NPAS3: variants seen among roughly 807,000 people sequenced by gnomAD.
NPAS3 encodes neuronal PAS domain protein 3, also known as neuronal PAS domain-containing protein 3.
A neutral mutation model predicts 73.1 loss-of-function variants in NPAS3; 14 were observed. The observed-to-expected ratio is 0.19, with a 90% CI of 0.13 to 0.30. The LOEUF (loss-of-function observed/expected upper bound fraction) is 0.30, where lower values mean the gene tolerates loss of function less well. Ranked by LOEUF, NPAS3 falls within the 10% of genes least tolerant of loss-of-function variation. The pLI, the probability that NPAS3 is intolerant of heterozygous loss-of-function variation, is 1.00. For synonymous variants in NPAS3, 620 were observed against 541.5 expected, an observed-to-expected ratio of 1.14 and a Z score of -2.01; for missense variants, 1,096 against 1,250.0, an observed-to-expected ratio of 0.88 and a Z score of 1.86.
intron 5 of NPAS3, among the ~76,000 whole-genome samples, chr14:33,605,954 A>G (rs754872683): frequency 1.3e-5 from 2 of 152,184 alleles, no homozygotes; most frequent in Non-Finnish European, 2.9e-5. Flanking sequence ...GACTGACACT[A>G]TCTAATTTCA....
At chr14:33,468,054 G>GC (rs1249216794) in intron 4 of NPAS3, among the ~76,000 whole-genome samples, 2 of 152,110 alleles carry the variant, frequency 1.3e-5, no homozygotes, top group African/African-American at 2.4e-5. Context: ...GGGTCATCAT[G>GC]CCCCCCAAGA....
At chr14:33,732,834 G>T (rs1325013866) in intron 6 of NPAS3, among the ~76,000 whole-genome samples, 1 of 150,734 alleles carries the variant, frequency 6.6e-6, no homozygotes, top group Non-Finnish European at 1.5e-5. Context: ...CCTCATTCAG[G>T]GCACGATGCC....
At chr14:33,211,930 A>G (rs182663261) in intron 2 of NPAS3, among the ~76,000 whole-genome samples, 1 of 152,218 alleles carries the variant, frequency 6.6e-6, no homozygotes, top group Admixed American at 6.5e-5. Context: ...CTGAAGTTTA[A>G]TCGTATTTTA....
chr14:33,172,455 G>A (rs1325913755), intron 2 of NPAS3, among the ~76,000 whole-genome samples: 1 of 152,144 alleles, frequency 6.6e-6, no homozygotes, highest in Non-Finnish European at 1.5e-5. Context: ...TTAAAAATTG[G>A]CCAGACCCGG....
intron 2 of NPAS3, among the ~76,000 whole-genome samples, chr14:33,190,485 C>T (rs2046131142): frequency 6.6e-6 from 1 of 152,182 alleles, no homozygotes; most frequent in African/African-American, 2.4e-5. Flanking sequence ...ATTTAAAAAT[C>T]AATTTCACAA....
chr14:33,273,667 T>C (rs1311876926), intron 3 of NPAS3, among the ~76,000 whole-genome samples: 4 of 152,182 alleles, frequency 2.6e-5, no homozygotes, highest in Non-Finnish European at 4.4e-5. Context: ...TATAGTGCTA[T>C]AGGGCTTGTA....
intron 4 of NPAS3, among the ~76,000 whole-genome samples, chr14:33,461,019 G>A (rs757914729): frequency 6.6e-6 from 1 of 152,120 alleles, no homozygotes; most frequent in Non-Finnish European, 1.5e-5. Context: ...CCATATCAAC[G>A]ATTCTACAAG....
intron 3 of NPAS3, among the ~76,000 whole-genome samples, chr14:33,278,832 A>G (rs1437096822): frequency 6.6e-6 from 1 of 152,232 alleles, no homozygotes; most frequent in Non-Finnish European, 1.5e-5. Flanking sequence ...AAAAATGTTA[A>G]GAAGCTCTAC....
intron 2 of NPAS3, among the ~76,000 whole-genome samples, chr14:33,059,417 A>G (rs1045147911): frequency 2.0e-5 from 3 of 152,206 alleles, no homozygotes; most frequent in African/African-American, 7.2e-5. Flanking sequence ...AATGCTTATT[A>G]TACTTTCAAT....
intron 4 of NPAS3, among the ~76,000 whole-genome samples, chr14:33,487,077 A>C (rs2051643096): frequency 6.6e-6 from 1 of 152,208 alleles, no homozygotes; most frequent in Non-Finnish European, 1.5e-5. Flanking sequence ...TATTTCTTAC[A>C]TGTGAGGAAA....
intron 1 of NPAS3, among the ~76,000 whole-genome samples, chr14:32,979,867 C>T (rs1380937892): frequency 4.6e-5 from 7 of 152,084 alleles, no homozygotes; most frequent in African/African-American, 1.7e-4. Context: ...TGTTACATTG[C>T]CCATTTTGTG....
intron 1 of NPAS3, among the ~76,000 whole-genome samples, chr14:32,990,947 A>G (rs1008508415): frequency 3.3e-5 from 5 of 150,632 alleles, no homozygotes; most frequent in Non-Finnish European, 7.4e-5. Context: ...AAACAAAAAA[A>G]AACAAGCCAC....
chr14:33,381,628 G>C (rs1349428773), intron 4 of NPAS3, among the ~76,000 whole-genome samples: 1 of 152,162 alleles, frequency 6.6e-6, no homozygotes, highest in Non-Finnish European at 1.5e-5. Flanking sequence ...TTCGAACCCT[G>C]AGGTGGAAGT....
chr14:32,942,873 A>C (rs1184138721), intron 1 of NPAS3, among the ~76,000 whole-genome samples: 1 of 152,232 alleles, frequency 6.6e-6, no homozygotes, highest in Non-Finnish European at 1.5e-5. Flanking sequence ...AAGGGTCTAC[A>C]AATGGAAAAA....
At chr14:33,801,048 C>A in exon 12 of NPAS3, 1 of 1,594,030 alleles carries the variant, frequency 6.3e-7, no homozygotes, top group East Asian at 2.3e-5. Flanking sequence ...TCCACGCTGC[C>A]CTTCCCCGTC....
intron 1 of NPAS3, among the ~76,000 whole-genome samples, chr14:32,999,518 A>T (rs1041641321): frequency 6.6e-6 from 1 of 152,200 alleles, no homozygotes; most frequent in Non-Finnish European, 1.5e-5. Flanking sequence ...CTCAAAAAAA[A>T]AAAATAAAAG....
chr14:33,713,500 G>A (rs1043551452), intron 6 of NPAS3, among the ~76,000 whole-genome samples: 1 of 152,228 alleles, frequency 6.6e-6, no homozygotes, highest in Non-Finnish European at 1.5e-5. Context: ...TGGTAGAATT[G>A]CATCAGTGCC....
chr14:33,270,125 G>T (rs1024302888), intron 3 of NPAS3, among the ~76,000 whole-genome samples: 2 of 152,066 alleles, frequency 1.3e-5, no homozygotes, highest in African/African-American at 2.4e-5. Flanking sequence ...TTGGCCTTTT[G>T]TACCCCAGAT....
chr14:33,417,662 A>G (rs1354725749), intron 4 of NPAS3, among the ~76,000 whole-genome samples: 1 of 152,018 alleles, frequency 6.6e-6, no homozygotes, highest in Non-Finnish European at 1.5e-5. Flanking sequence ...AAGTCCCACC[A>G]GGTCATTGAT....
Sources: allele counts gnomAD v4.1 joint callset (sites outside exome capture counted in the v4.1 genomes callset), GRCh38; gene constraint gnomAD v4.1.1; transcripts MANE v1.5; gene names NCBI Gene and HGNC (gene_info 2026-07-23, HGNC 2026-07-21).